Variants in RAPGEF5 observed in about 807,000 individuals in gnomAD.
RAPGEF5 encodes M-Ras-regulated GEF.
In RAPGEF5, 65 loss-of-function variants were observed where a neutral mutation model predicts 125.2. The ratio of observed to expected loss-of-function variants is 0.52; its 90% CI spans 0.43 to 0.64. RAPGEF5 has a LOEUF of 0.64. Among genes scored for constraint, RAPGEF5 ranks in the 30% least tolerant of loss-of-function variants. RAPGEF5 has a pLI of 0.00. For missense variants in RAPGEF5, 958 were observed against 1,048.1 expected, an observed-to-expected ratio of 0.91 and a Z score of 1.19; for synonymous variants, 391 against 385.9, an observed-to-expected ratio of 1.01 and a Z score of -0.16.
chr7:22,193,623 C>G, intron 10 of RAPGEF5, 168 bp from the exon 11 acceptor site: 2 of 1,550,802 alleles, frequency 1.3e-6, no homozygotes, highest in Non-Finnish European at 1.7e-6. Flanking sequence ...CTTTCCTCTC[C>G]AAATGAGGGT....
At chr7:22,163,071 A>G (rs576402445) in intron 12 of RAPGEF5, 1 of 446,064 alleles carries the variant, frequency 2.2e-6, no homozygotes, top group Admixed American at 2.4e-5. Context: ...ACTTGAAAAC[A>G]TTGGATACAT....
At chr7:22,349,707 T>G (rs1784294114) in intron 1 of RAPGEF5, among the ~76,000 whole-genome samples, 1 of 152,248 alleles carries the variant, frequency 6.6e-6, no homozygotes, top group African/African-American at 2.4e-5. Context: ...TTGAAATGTT[T>G]CCTGCATCCA....
intron 11 of RAPGEF5, among the ~76,000 whole-genome samples, chr7:22,182,189 T>A (rs1227431286): frequency 1.3e-5 from 2 of 152,182 alleles, no homozygotes; most frequent in African/African-American, 4.8e-5. Flanking sequence ...CATTTTAAAA[T>A]TCAGACAAGG....
At chr7:22,178,929 GC>G (rs1784591493) in intron 11 of RAPGEF5, among the ~76,000 whole-genome samples, 1 of 152,060 alleles carries the variant, frequency 6.6e-6, no homozygotes, top group African/African-American at 2.4e-5. Context: ...AGGGACCCCA[GC>G]CACCAGTCAT....
At chr7:22,256,319 C>T (rs1444537267) in intron 7 of RAPGEF5, among the ~76,000 whole-genome samples, 1 of 152,072 alleles carries the variant, frequency 6.6e-6, no homozygotes, top group Non-Finnish European at 1.5e-5. Flanking sequence ...GTCACATGCA[C>T]CTAAAATAAT....
chr7:22,158,064 A>C (rs1210049356), intron 14 of RAPGEF5, among the ~76,000 whole-genome samples, 179 bp from the exon 15 acceptor site: 1 of 152,232 alleles, frequency 6.6e-6, no homozygotes. Flanking sequence ...CTGAATTTCA[A>C]ATGAGCCAGG....
At chr7:22,295,088 C>T (rs1357547845) in intron 5 of RAPGEF5, among the ~76,000 whole-genome samples, 3 of 152,086 alleles carry the variant, frequency 2.0e-5, no homozygotes, top group Non-Finnish European at 4.4e-5. Context: ...TCCCCATTTC[C>T]CCTACCCATG....
intron 1 of RAPGEF5, among the ~76,000 whole-genome samples, chr7:22,336,430 A>G (rs546752039): frequency 3.8e-4 from 58 of 152,352 alleles, no homozygotes; most frequent in African/African-American, 1.3e-3. Context: ...GTACAGAAAC[A>G]GGCTATACCC....
chr7:22,329,470 C>G (rs553331079), intron 1 of RAPGEF5, among the ~76,000 whole-genome samples: 31 of 152,308 alleles, frequency 2.0e-4, no homozygotes, highest in African/African-American at 7.2e-4. Context: ...GGTTCCTCCT[C>G]CCTTCCCGCA....
intron 14 of RAPGEF5, among the ~76,000 whole-genome samples, chr7:22,158,311 A>G (rs1343687086): frequency 6.6e-6 from 1 of 152,208 alleles, no homozygotes; most frequent in Non-Finnish European, 1.5e-5. Context: ...CAGCCAAGGC[A>G]CATCTTCTCC....
Position 22,123,045 on chromosome 7 carries a change from GAAAA to G in RAPGEF5, c.2537-528_2537-525del, listed in dbSNP as rs572159482. Among the ~76,000 whole-genome samples the G allele has an allele frequency of 5.2e-3, 787 of 150,860 alleles. 3 individuals are homozygous for G. Among genetic ancestry groups the G allele is most frequent in the Non-Finnish European group, 8.3e-3 (559 of 67,652 alleles). On this transcript the variant is annotated intron_variant, in intron 25 of 25. Transcript: ENST00000665637. ...AATTCTTTGGTATTCTCATTTTTTGGAAAAAAAAATTTAATGGAGCAACTGAATG... is the reference window on the plus strand; with the variant it reads ...AATTCTTTGGTATTCTCATTTTTTGGAAAAATTTAATGGAGCAACTGAATG...
At chr7:22,129,553 G>A (rs1782850823) in intron 24 of RAPGEF5, among the ~76,000 whole-genome samples, 1 of 152,198 alleles carries the variant, frequency 6.6e-6, no homozygotes, top group African/African-American at 2.4e-5. Context: ...AAGAATTCTA[G>A]TGCCTGCAGC....
chr7:22,192,882 T>C (rs1785038804), intron 11 of RAPGEF5: 1 of 172,970 alleles, frequency 5.8e-6, no homozygotes, highest in Admixed American at 5.5e-5. Context: ...ACCAGGCAGT[T>C]TGTAAACCAC....
In RAPGEF5 at chr7:22,356,818, C is replaced by T. The variant is rs1336015393; in HGVS notation, c.231+12G>A. Reference sequence around the variant, plus strand: ...CCGCCCGTGCCCACTCGGACAGGGCCGGGCCACTCACCCGGCCCCCAGCGG... The same window carrying T: ...CCGCCCGTGCCCACTCGGACAGGGCTGGGCCACTCACCCGGCCCCCAGCGG... On this transcript the variant is annotated intron_variant, in intron 1 of 25. Transcript: ENST00000665637. 3 of 1,159,356 alleles carry T rather than the reference C, an allele frequency of 2.6e-6. No homozygotes were observed. The highest frequency in any genetic ancestry group is 3.2e-6 in the Non-Finnish European group (3 of 940,570). 71.8% of individuals were successfully genotyped at this position (1,159,356 alleles called of 1,614,324 possible). A position where few individuals can be genotyped will look rare whatever the true frequency, so the allele number is the denominator to read the frequency against.
intron 1 of RAPGEF5, among the ~76,000 whole-genome samples, chr7:22,331,574 C>T (rs1382897783): frequency 6.6e-6 from 1 of 151,756 alleles, no homozygotes; most frequent in Non-Finnish European, 1.5e-5. Context: ...TGAAACCCTG[C>T]CTCTACTAAA....
At chr7:22,182,090 T>C (rs186480353) in intron 11 of RAPGEF5, among the ~76,000 whole-genome samples, 106 of 152,304 alleles carry the variant, frequency 7.0e-4, no homozygotes, top group Non-Finnish European at 1.4e-3. Flanking sequence ...TATACGACTA[T>C]CTGAAGTACA....
At chr7:22,300,234 A>G (rs1358923274) in intron 5 of RAPGEF5, among the ~76,000 whole-genome samples, 5 of 152,114 alleles carry the variant, frequency 3.3e-5, no homozygotes, top group Non-Finnish European at 7.3e-5. Context: ...TTTGCTATTG[A>G]GCCAATTCAA....
At chr7:22,151,627 G>C (rs1323680818) in intron 17 of RAPGEF5, among the ~76,000 whole-genome samples, 1 of 151,868 alleles carries the variant, frequency 6.6e-6, no homozygotes, top group Admixed American at 6.6e-5. Context: ...ACCACGCCTG[G>C]CTAATTTTGT....
intron 6 of RAPGEF5, among the ~76,000 whole-genome samples, chr7:22,289,792 C>A (rs1047352595): frequency 6.6e-6 from 1 of 152,074 alleles, no homozygotes; most frequent in Non-Finnish European, 1.5e-5. Flanking sequence ...GATTGTATCA[C>A]GGGGGCAGTT....
Sources: allele counts gnomAD v4.1 joint callset (sites outside exome capture counted in the v4.1 genomes callset), GRCh38; gene constraint gnomAD v4.1.1; transcripts MANE v1.5; gene names NCBI Gene and HGNC (gene_info 2026-07-23, HGNC 2026-07-21).